The following CLVS1 variants were observed in gnomAD, a reference collection of about 807,000 sequenced individuals.
CLVS1 encodes the protein clavesin 1.
CLVS1 carries 10 observed loss-of-function variants against 33.1 expected under a neutral mutation model. The ratio of observed to expected loss-of-function variants is 0.30; its 90% CI spans 0.19 to 0.51. The LOEUF (loss-of-function observed/expected upper bound fraction) is 0.51. Ranked by LOEUF, CLVS1 falls within the 20% of genes least tolerant of loss-of-function variation. The pLI is 0.97. For missense variants in CLVS1, 343 were observed against 433.4 expected, an observed-to-expected ratio of 0.79 and a Z score of 1.85; for synonymous variants, 163 against 166.1, an observed-to-expected ratio of 0.98 and a Z score of 0.14.
rs200541190 is a variant in CLVS1, at chr8:61,300,196, C to T, written c.369C>T (p.Ile123=). The stretch of plus-strand genomic sequence containing the variant: ...ATCCCGGCATTAAGAGGGCTCTGAT[C>T]GATGGGTTCCCCGGGGTGCTGGAAA... ...ADDPGIKRAL[I]DGFPGVLENR... The change falls in exon 2 of 6, where the codon ATC becomes ATT. Residue 123 remains isoleucine (I), a synonymous_variant. Transcript: ENST00000325897. The T allele has an allele frequency of 7.4e-6, 12 of 1,613,972 alleles. No homozygotes were observed. The highest frequency in any genetic ancestry group is 8.5e-6 in the Non-Finnish European group (10 of 1,179,948).
chr8:61,326,271 T>C (rs2129596778), intron 2 of CLVS1, among the ~76,000 whole-genome samples: 1 of 152,334 alleles, frequency 6.6e-6, no homozygotes, highest in Non-Finnish European at 1.5e-5. Flanking sequence ...TGGTTCATTA[T>C]TTCTCATGAT....
intron 5 of CLVS1, among the ~76,000 whole-genome samples, chr8:61,475,154 C>T (rs1485723977): frequency 6.6e-6 from 1 of 152,174 alleles, no homozygotes. Flanking sequence ...GCATAGTATT[C>T]CATGGTGTAT....
At chr8:61,128,447 A>G (rs767310442) in intron 1 of CLVS1, among the ~76,000 whole-genome samples, 3 of 152,136 alleles carry the variant, frequency 2.0e-5, no homozygotes, top group Admixed American at 6.5e-5. Flanking sequence ...TTTTTTCTCC[A>G]TGTGTAGGGT....
At chr8:61,366,691 C>T (rs1234800657) in intron 2 of CLVS1, among the ~76,000 whole-genome samples, 5 of 152,112 alleles carry the variant, frequency 3.3e-5, no homozygotes, top group African/African-American at 1.2e-4. Context: ...CTGGTGATTG[C>T]CAGGGATTCA....
At chr8:61,304,664 A>G (rs1436208992) in intron 2 of CLVS1, among the ~76,000 whole-genome samples, 1 of 152,198 alleles carries the variant, frequency 6.6e-6, no homozygotes, top group East Asian at 1.9e-4. Flanking sequence ...AGATCTGATG[A>G]AAAACAAATT....
At chr8:60,992,387 C>T in the CLVS1 span, among the ~76,000 whole-genome samples, 1 of 152,098 alleles carries the variant, frequency 6.6e-6, no homozygotes, top group Non-Finnish European at 1.5e-5. Flanking sequence ...GATCATTTTG[C>T]CTGTGCATGA....
intron 2 of CLVS1, among the ~76,000 whole-genome samples, chr8:61,304,889 G>T (rs1250453579): frequency 6.6e-6 from 1 of 152,132 alleles, no homozygotes; most frequent in African/African-American, 2.4e-5. Context: ...CAGATATCTG[G>T]CATATGGGGC....
At chr8:61,034,755 T>A in the CLVS1 span, among the ~76,000 whole-genome samples, 2 of 152,066 alleles carry the variant, frequency 1.3e-5, no homozygotes, top group East Asian at 3.9e-4. Flanking sequence ...GCGGTGAAAA[T>A]GGTATCCAGT....
chr8:61,413,973 G>A (rs1815332938), intron 3 of CLVS1, among the ~76,000 whole-genome samples: 1 of 152,190 alleles, frequency 6.6e-6, no homozygotes, highest in Non-Finnish European at 1.5e-5. Flanking sequence ...AACTTACAGG[G>A]AACTGCATTT....
chr8:61,388,766 G>T (rs73682287), intron 3 of CLVS1, among the ~76,000 whole-genome samples: 2,504 of 152,062 alleles, frequency 0.016, 76 homozygotes, highest in African/African-American at 0.056. Context: ...TCATTTCTTT[G>T]TGTTGGGAAC....
At chr8:61,277,922 T>C (rs1809593647) in intron 2 of CLVS1, among the ~76,000 whole-genome samples, 1 of 152,238 alleles carries the variant, frequency 6.6e-6, no homozygotes, top group African/African-American at 2.4e-5. Flanking sequence ...CAGCAACTAG[T>C]GGGAAGGCAA....
chr8:61,501,304 C>CAATT lies in CLVS1; in HGVS notation c.*1764_*1767dup, dbSNP rs746421878. On this transcript the variant is annotated 3_prime_UTR_variant, in exon 6 of 6. Coordinates refer to ENST00000325897, the MANE Select transcript of CLVS1 (RefSeq NM_173519.3). ...CAAGTATTTACAATGCTATTGGAGT[C>CAATT]AATTATTGACAACACTTTGCAACAG... 6 of 152,248 alleles carry CAATT rather than the reference C, an allele frequency of 3.9e-5. No homozygotes were observed. The highest frequency in any genetic ancestry group is 8.8e-5 in the Non-Finnish European group (6 of 67,976). The allele number at this position is 152,248 out of a possible 1,614,324, so 9.4% of individuals were successfully genotyped here.
the CLVS1 span, among the ~76,000 whole-genome samples, chr8:61,009,803 C>T: frequency 6.6e-6 from 1 of 152,176 alleles, no homozygotes; most frequent in Non-Finnish European, 1.5e-5. Context: ...TCAACGCTGG[C>T]TTGTGTTCTC....
intron 2 of CLVS1, among the ~76,000 whole-genome samples, chr8:61,317,004 TTTA>T (rs1437207327): frequency 1.3e-5 from 2 of 152,202 alleles, no homozygotes; most frequent in Non-Finnish European, 2.9e-5. Flanking sequence ...GTCAACTATT[TTTA>T]TTATTCTGAT....
chr8:61,085,969 G>A (rs1805117153), intron 1 of CLVS1, among the ~76,000 whole-genome samples: 1 of 146,762 alleles, frequency 6.8e-6, no homozygotes, highest in Non-Finnish European at 1.5e-5. Context: ...CGTGGAGGCG[G>A]AGCTTGCAGT....
At chr8:61,190,257 C>G (rs1169065488) in intron 2 of CLVS1, among the ~76,000 whole-genome samples, 1 of 152,200 alleles carries the variant, frequency 6.6e-6, no homozygotes, top group Non-Finnish European at 1.5e-5. Context: ...ACTGAACAAT[C>G]TGCTCCTGAA....
chr8:61,257,897 C>T (rs909817581), intron 2 of CLVS1, among the ~76,000 whole-genome samples: 2 of 152,056 alleles, frequency 1.3e-5, no homozygotes, highest in African/African-American at 4.8e-5. Context: ...ACTTGCTATG[C>T]ATTGCTAGTT....
the CLVS1 span, among the ~76,000 whole-genome samples, chr8:61,042,014 AAATTAAG>A: frequency 6.6e-6 from 1 of 152,152 alleles, no homozygotes; most frequent in Non-Finnish European, 1.5e-5. Flanking sequence ...GGTACTCTGC[AAATTAAG>A]AGTTTTGTTA....
the CLVS1 span, among the ~76,000 whole-genome samples, chr8:61,018,120 C>T: frequency 1.3e-5 from 2 of 152,228 alleles, no homozygotes; most frequent in East Asian, 3.9e-4. Context: ...ACATCATTGG[C>T]AAGAATTTTC....
Sources: allele counts gnomAD v4.1 joint callset (sites outside exome capture counted in the v4.1 genomes callset), GRCh38; gene constraint gnomAD v4.1.1; transcripts MANE v1.5; gene names NCBI Gene and HGNC (gene_info 2026-07-23, HGNC 2026-07-21).